KNG1: variants seen among roughly 807,000 people sequenced by gnomAD.
KNG1 encodes kininogen-1.
KNG1 carries 23 observed loss-of-function variants against 47.8 expected under a neutral mutation model. The ratio of observed to expected loss-of-function variants is 0.48; its 90% CI spans 0.35 to 0.68. The LOEUF is 0.68. Among genes scored for constraint, KNG1 ranks in the 30% least tolerant of loss-of-function variants. The pLI, the probability that KNG1 is intolerant of heterozygous loss-of-function variation, is 0.01. For missense variants in KNG1, 762 were observed against 790.2 expected, an observed-to-expected ratio of 0.96 and a Z score of 0.43; for synonymous variants, 277 against 277.0, an observed-to-expected ratio of 1.00 and a Z score of 0.00.
chr3:186,741,597 A>G lies in KNG1; in HGVS notation c.1201A>G (p.Thr401Ala). Residue 401 changes from threonine (T) to alanine (A), a missense_variant, in exon 10 of 10, where the codon ACT (threonine) becomes GCT (alanine). Transcript: ENST00000644859. ...AATAGGGGAAATAAAAGAAGAAACA[A>G]CTGTAAGTCCACCCCACACTTCCAT... ...SRIGEIKEET[T>A]VSPPHTSMAP... 1.2e-6 allele frequency: 2 copies of G among 1,610,458 alleles called. No individual in the cohort carries two copies. The highest frequency in any genetic ancestry group is 1.7e-6 in the Non-Finnish European group (2 of 1,179,098).
chr3:186,721,498 T>C (rs1261376116), intron 2 of KNG1: 1 of 152,262 alleles, frequency 6.6e-6, no homozygotes, highest in East Asian at 1.9e-4. Context: ...AAGTGCCTGC[T>C]GTGTGGCGGG....
In KNG1 at chr3:186,725,897, G is replaced by T. The variant is rs1199467706; in HGVS notation, c.564+637G>T. ...GCATGGCTTTCTGGGTACCCACTAAGTTACAGTTCCCATATCATCAGAAAA... is the reference window on the plus strand; with the variant it reads ...GCATGGCTTTCTGGGTACCCACTAATTTACAGTTCCCATATCATCAGAAAA... On this transcript the variant is annotated intron_variant, in intron 4 of 9. Coordinates refer to ENST00000644859, the MANE Select transcript of KNG1 (RefSeq NM_001102416.3). Among the ~76,000 whole-genome samples the T allele has an allele frequency of 9.4e-5, 3 of 31,930 alleles. 1 individual carries two copies. The highest frequency in any genetic ancestry group is 4.3e-4 in the African/African-American group (3 of 7,034). 20.9% of individuals were successfully genotyped at this position (31,930 alleles called of 152,430 possible).
chr3:186,725,543 A>ATTTGTTTTTTTTTTTTTTTTT (rs1720336994), intron 4 of KNG1, among the ~76,000 whole-genome samples: 2 of 87,726 alleles, frequency 2.3e-5, no homozygotes, highest in African/African-American at 4.7e-5. Context: ...CGGCCTTAGG[A>ATTTGTTTTTTTTTTTTTTTTT]TTTTTTTTTT....
chr3:186,732,917 A>G (rs1446645650), intron 7 of KNG1, among the ~76,000 whole-genome samples: 1 of 152,158 alleles, frequency 6.6e-6, no homozygotes, highest in Non-Finnish European at 1.5e-5. Context: ...AAGTTAATAT[A>G]TGTCAAATCA....
chr3:186,729,057 C>G (rs750385662), intron 5 of KNG1: 2 of 152,040 alleles, frequency 1.3e-5, no homozygotes, highest in Non-Finnish European at 2.9e-5. Context: ...AAAAAGGACA[C>G]TATCAAGAGA....
chr3:186,741,055 G>A (rs933995827), intron 9 of KNG1, among the ~76,000 whole-genome samples: 5 of 151,712 alleles, frequency 3.3e-5, no homozygotes, highest in East Asian at 1.9e-4. Flanking sequence ...GTGCAGTGGC[G>A]CCATCTCAGC....
intron 4 of KNG1, among the ~76,000 whole-genome samples, chr3:186,726,289 T>TG (rs1209354859): frequency 2.0e-5 from 2 of 97,946 alleles, no homozygotes; most frequent in African/African-American, 3.5e-5. Flanking sequence ...TTTTTTTTTT[T>TG]TTTTTGTTTT....
At chr3:186,731,211 T>C (rs1720522358) in intron 5 of KNG1, among the ~76,000 whole-genome samples, 1 of 152,210 alleles carries the variant, frequency 6.6e-6, no homozygotes, top group Non-Finnish European at 1.5e-5. Context: ...ATAAGATGAT[T>C]CTTGAAACTG....
At chr3:186,726,982 A>ATAT (rs1466881179) in intron 4 of KNG1, among the ~76,000 whole-genome samples, 3 of 151,824 alleles carry the variant, frequency 2.0e-5, no homozygotes, top group Non-Finnish European at 2.9e-5. Context: ...ATAGAAAAAT[A>ATAT]TATATATTGC....
At chr3:186,730,153 GTT>G (rs34650598) in intron 5 of KNG1, among the ~76,000 whole-genome samples, 1 of 147,696 alleles carries the variant, frequency 6.8e-6, no homozygotes, top group African/African-American at 2.5e-5. Flanking sequence ...TTGTTATTTT[GTT>G]TTTTTTTTCC....
chr3:186,738,002 G>T (rs186484580), intron 7 of KNG1, among the ~76,000 whole-genome samples: 1 of 152,150 alleles, frequency 6.6e-6, no homozygotes, highest in Admixed American at 6.6e-5. Context: ...TTGAGACAGA[G>T]TCTCACTCTG....
chr3:186,731,634 G>A lies in KNG1; in HGVS notation c.757+5G>A. On this transcript the variant is annotated splice_donor_5th_base_variant and intron_variant, in intron 6 of 9. Transcript: ENST00000644859. ...AGAACTGTGACATTTATCCAGGTAA[G>A]GAATAACACATGTTGGCACCGCAAT... The A allele has an allele frequency of 1.3e-6, 2 of 1,563,132 alleles. No individual in the cohort carries two copies. Among genetic ancestry groups the A allele is most frequent in the Non-Finnish European group, 1.8e-6 (2 of 1,133,616 alleles).
chr3:186,733,912 G>C (rs1403547505), intron 7 of KNG1, among the ~76,000 whole-genome samples: 1 of 152,130 alleles, frequency 6.6e-6, no homozygotes, highest in African/African-American at 2.4e-5. Context: ...AGGTTGCAAT[G>C]AGCCGAGACC....
chr3:186,720,519 G>A (rs950023171), intron 2 of KNG1: 5 of 363,818 alleles, frequency 1.4e-5, no homozygotes, highest in Non-Finnish European at 2.1e-5. Flanking sequence ...AAGCCAAAGA[G>A]CTGGCGAGGG....
chr3:186,725,543 A>ATTTTCTTTTTTTTTTT (rs1720337071), intron 4 of KNG1, among the ~76,000 whole-genome samples: 1 of 87,726 alleles, frequency 1.1e-5, no homozygotes, highest in Non-Finnish European at 2.2e-5. Flanking sequence ...CGGCCTTAGG[A>ATTTTCTTTTTTTTTTT]TTTTTTTTTT....
At chr3:186,727,760 C>T (rs749769613) in intron 5 of KNG1, among the ~76,000 whole-genome samples, 21 of 152,018 alleles carry the variant, frequency 1.4e-4, no homozygotes, top group Non-Finnish European at 2.8e-4. Context: ...ATAGTAGAGA[C>T]AGGGTTTTAC....
Position 186,732,546 on chromosome 3 carries a change from C to G in KNG1, c.802C>G (p.Pro268Ala). The G allele has an allele frequency of 6.2e-7, 1 of 1,614,108 alleles. No individual in the cohort carries two copies. The highest frequency in any genetic ancestry group is 1.7e-5 in the Admixed American group (1 of 60,008). ...QPPTKICVGCPRDIPTNSPEL... is the reference protein window; with the variant it reads ...QPPTKICVGCARDIPTNSPEL... ...ACCTACCAAGATTTGCGTGGGCTGC[C>G]CCAGAGATATACCCACCAACAGCCC... The change falls in exon 7 of 10, where the codon CCC becomes GCC. Residue 268 changes from proline (P) to alanine (A), a missense_variant. Pro to Ala is a conservative substitution (Grantham distance 27). Transcript: ENST00000644859.
intron 2 of KNG1, chr3:186,720,448 TA>T: frequency 1.8e-6 from 1 of 553,712 alleles, no homozygotes; most frequent in Admixed American, 3.1e-5. Flanking sequence ...AAGGGGGCTC[TA>T]GTGTCCAGCC....
intron 3 of KNG1, among the ~76,000 whole-genome samples, chr3:186,723,568 T>C (rs1346527643): frequency 6.6e-6 from 1 of 152,220 alleles, no homozygotes; most frequent in Non-Finnish European, 1.5e-5. Flanking sequence ...CCTCTAGTTC[T>C]GTCCATGTGG....
Sources: allele counts gnomAD v4.1 joint callset (sites outside exome capture counted in the v4.1 genomes callset), GRCh38; gene constraint gnomAD v4.1.1; transcripts MANE v1.5; gene names NCBI Gene and HGNC (gene_info 2026-07-23, HGNC 2026-07-21).